AFF2: variants seen among roughly 807,000 people sequenced by gnomAD.
AFF2 encodes the protein ALF transcription elongation factor 2.
AFF2 carries 14 observed loss-of-function variants against 76.9 expected under a neutral mutation model. The observed-to-expected ratio is 0.18, with a 90% CI of 0.12 to 0.28. The LOEUF is 0.28. Among genes scored for constraint, AFF2 ranks in the 10% least tolerant of loss-of-function variants. The pLI is 1.00. For missense variants in AFF2, 868 were observed against 1,001.1 expected, an observed-to-expected ratio of 0.87 and a Z score of 1.79; for synonymous variants, 398 against 366.7, an observed-to-expected ratio of 1.09 and a Z score of -0.98.
At chrX:148,969,338 A>G (rs921488263) in intron 15 of AFF2, among the ~76,000 whole-genome samples, 2 of 112,774 alleles carry the variant, frequency 1.8e-5, no homozygotes, top group Non-Finnish European at 3.7e-5. Context: ...AAAGGGCCAC[A>G]GGGCATAAAG....
chrX:148,809,807 A>G, intron 3 of AFF2, 69 bp from the exon 4 acceptor site: 1 of 1,070,436 alleles, frequency 9.3e-7, no homozygotes, highest in South Asian at 2.0e-5. Flanking sequence ...AGTTTGTCCT[A>G]CAGAGTAAAC....
intron 4 of AFF2, among the ~76,000 whole-genome samples, chrX:148,817,090 C>T: frequency 9.0e-6 from 1 of 110,633 alleles, no homozygotes; most frequent in Middle Eastern, 4.6e-3. Context: ...ATCAGTGATA[C>T]AGGAACTTAA....
At chrX:148,533,687 A>C (rs1557236199) in intron 1 of AFF2, among the ~76,000 whole-genome samples, 1 of 111,935 alleles carries the variant, frequency 8.9e-6, no homozygotes, top group Non-Finnish European at 1.9e-5. Flanking sequence ...AACCAAAATA[A>C]AGAGAATATG....
chrX:148,966,186 A>G (rs1406701763), intron 13 of AFF2, among the ~76,000 whole-genome samples: 1 of 112,103 alleles, frequency 8.9e-6, no homozygotes, highest in Non-Finnish European at 1.9e-5. Flanking sequence ...TCACTTAGCT[A>G]GAAACCAATC....
intron 8 of AFF2, among the ~76,000 whole-genome samples, chrX:148,896,556 A>C (rs1398659462): frequency 8.9e-6 from 1 of 111,803 alleles, no homozygotes; most frequent in Non-Finnish European, 1.9e-5. Flanking sequence ...CTAATGGTGA[A>C]CAGATACAGT....
chrX:148,784,910 A>G (rs781984238), intron 3 of AFF2, among the ~76,000 whole-genome samples: 1 of 111,793 alleles, frequency 8.9e-6, no homozygotes, highest in Admixed American at 9.5e-5. Context: ...GGAGACAGAC[A>G]TAAGTGGGTG....
intron 3 of AFF2, 88 bp from the exon 4 acceptor site, chrX:148,809,788 T>C (rs782551407): frequency 8.5e-5 from 79 of 926,876 alleles, no homozygotes; most frequent in Non-Finnish European, 1.2e-4. Flanking sequence ...CTAGATTTTC[T>C]TGCTTTACAG....
At chrX:148,581,193 A>ATATACG (rs1258075559) in intron 1 of AFF2, among the ~76,000 whole-genome samples, 7 of 57,260 alleles carry the variant, frequency 1.2e-4, no homozygotes, top group African/African-American at 4.7e-4. Flanking sequence ...ACACATATAC[A>ATATACG]TATACGTATA....
chrX:148,521,374 GCA>G lies in AFF2; in HGVS notation c.47+20266_47+20267del, dbSNP rs781978355. On this transcript the variant is annotated intron_variant, in intron 1 of 20. Coordinates refer to ENST00000370460, the MANE Select transcript of AFF2 (RefSeq NM_002025.4). ...ACAGGTACCTGAAAAGCACGTGCAT[GCA>G]CACACACACACACACACACACACAC... Among the ~76,000 whole-genome samples, 435 of 90,771 alleles carry G rather than the reference GCA, an allele frequency of 4.8e-3. 1 individual carries two copies. Among genetic ancestry groups the G allele is most frequent in the Admixed American group, 6.8e-3 (54 of 7,962 alleles). The allele number at this position is 90,771 out of a possible 115,157, so 78.8% of individuals were successfully genotyped here.
intron 9 of AFF2, among the ~76,000 whole-genome samples, chrX:148,912,989 G>T (rs2071488341): frequency 8.8e-6 from 1 of 113,119 alleles, no homozygotes; most frequent in Non-Finnish European, 1.9e-5. Context: ...ACAATTAATG[G>T]AGAGATACCA....
At chrX:148,787,322 G>GTGTC (rs2069834430) in intron 3 of AFF2, among the ~76,000 whole-genome samples, 1 of 111,667 alleles carries the variant, frequency 9.0e-6, no homozygotes, top group Admixed American at 9.5e-5. Flanking sequence ...CTGTGTGTGT[G>GTGTC]TGTGTGTGTA....
intron 9 of AFF2, among the ~76,000 whole-genome samples, chrX:148,934,664 A>G (rs1470114485): frequency 1.8e-5 from 2 of 112,061 alleles, no homozygotes; most frequent in South Asian, 3.8e-4. Flanking sequence ...TAACGCCTCT[A>G]CACCTCAGTT....
intron 3 of AFF2, among the ~76,000 whole-genome samples, chrX:148,807,674 C>T (rs1351158664): frequency 3.6e-5 from 4 of 112,471 alleles, no homozygotes; most frequent in Non-Finnish European, 5.6e-5. Context: ...CTGGGCCATA[C>T]ATTTTTAGCC....
At chrX:148,554,069 G>A (rs781878343) in intron 1 of AFF2, among the ~76,000 whole-genome samples, 1 of 112,206 alleles carries the variant, frequency 8.9e-6, no homozygotes, top group African/African-American at 3.2e-5. Context: ...TTTATAGGCT[G>A]TGTCACCTTG....
In AFF2 at chrX:148,987,358, A is replaced by G; in HGVS notation, c.3624-9A>G. On this transcript the variant is annotated splice_polypyrimidine_tract_variant and intron_variant, in intron 19 of 20. Coordinates refer to ENST00000370460, the MANE Select transcript of AFF2 (RefSeq NM_002025.4). ...AGCCTAACAAGGCTTGTCTCTTTCC[A>G]TTTCCCAGGAACACTCCATCCCCAG... 3.3e-6 allele frequency: 4 copies of G among 1,201,370 alleles called. No homozygotes were observed. The highest frequency in any genetic ancestry group is 4.5e-6 in the Non-Finnish European group (4 of 889,348).
intron 1 of AFF2, among the ~76,000 whole-genome samples, chrX:148,526,441 CT>C (rs1225259899): frequency 7.7e-5 from 8 of 103,312 alleles, no homozygotes; most frequent in Non-Finnish European, 1.6e-4. Context: ...TAGCTGGCTC[CT>C]ATGTCCTTTT....
chrX:148,760,252 C>T (rs1036769231), intron 3 of AFF2, among the ~76,000 whole-genome samples: 1 of 111,483 alleles, frequency 9.0e-6, no homozygotes, highest in African/African-American at 3.3e-5. Flanking sequence ...CCACCCAAAT[C>T]AGGATTTAGA....
At chrX:148,887,352 GC>G (rs1569556600) in intron 8 of AFF2, among the ~76,000 whole-genome samples, 3 of 111,746 alleles carry the variant, frequency 2.7e-5, no homozygotes, top group African/African-American at 9.8e-5. Flanking sequence ...TACGCCAATA[GC>G]AGGAGCATCA....
chrX:148,639,589 C>A (rs2054066851), intron 1 of AFF2, among the ~76,000 whole-genome samples: 1 of 111,745 alleles, frequency 8.9e-6, no homozygotes, highest in Admixed American at 9.5e-5. Context: ...AACATTTGTG[C>A]CAATGGAATT....
Sources: gnomAD v4.1 joint callset for allele counts (sites outside exome capture counted in the v4.1 genomes callset) on GRCh38, gnomAD v4.1.1 for gene constraint, MANE v1.5 for transcripts, NCBI Gene and HGNC (gene_info 2026-07-23, HGNC 2026-07-21) for gene names.